Variants in B4GALT6 observed in about 807,000 individuals in gnomAD.
The protein encoded by B4GALT6 is UDP-Gal:beta-GlcNAc beta-1,4-galactosyltransferase 6.
B4GALT6 carries 14 observed loss-of-function variants against 46.3 expected under a neutral mutation model. The observed-to-expected ratio is 0.30, with a 90% CI of 0.20 to 0.47. B4GALT6 has a LOEUF of 0.47. Ranked by LOEUF, B4GALT6 falls within the 20% of genes least tolerant of loss-of-function variation. The probability of loss-of-function intolerance (pLI) is 0.99; values close to 1 mark genes in which losing one functional copy is unlikely to be tolerated. For missense variants in B4GALT6, 386 were observed against 480.1 expected (o/e 0.80, Z 1.83); for synonymous variants, 168 against 162.0 (o/e 1.04, Z -0.28).
intron 4 of B4GALT6, among the ~76,000 whole-genome samples, chr18:31,641,646 C>T (rs1376528741): frequency 1.3e-5 from 2 of 152,158 alleles, no homozygotes; most frequent in Non-Finnish European, 1.5e-5. Flanking sequence ...CTTGCTGATA[C>T]ACCTCCAGTG....
At chr18:31,667,417 C>G (rs2074295107) in intron 1 of B4GALT6, among the ~76,000 whole-genome samples, 1 of 152,118 alleles carries the variant, frequency 6.6e-6, no homozygotes, top group Admixed American at 6.5e-5. Flanking sequence ...TGACACTCTC[C>G]AAAGATGAAT....
chr18:31,664,635 C>T (rs1266686030), intron 2 of B4GALT6, among the ~76,000 whole-genome samples: 1 of 151,476 alleles, frequency 6.6e-6, no homozygotes, highest in Non-Finnish European at 1.5e-5. Flanking sequence ...CTTATTCATA[C>T]CCCAGGGAAA....
At chr18:31,698,421 G>A in the B4GALT6 span, among the ~76,000 whole-genome samples, 6 of 152,176 alleles carry the variant, frequency 3.9e-5, no homozygotes, top group East Asian at 1.9e-4. Context: ...CTTGAGGTCA[G>A]GAGTTCAAGA....
At chr18:31,667,292 A>G (rs2074293884) in intron 1 of B4GALT6, among the ~76,000 whole-genome samples, 1 of 152,208 alleles carries the variant, frequency 6.6e-6, no homozygotes, top group Non-Finnish European at 1.5e-5. Context: ...AAGCTAAAAA[A>G]TCATAAACTC....
chr18:31,717,954 C>CA, the B4GALT6 span, among the ~76,000 whole-genome samples: 2,326 of 126,276 alleles, frequency 0.018, 97 homozygotes, highest in African/African-American at 0.06. Flanking sequence ...AACTCCGTCT[C>CA]AAAAAAAAAA....
chr18:31,658,896 G>A (rs1180210726), intron 2 of B4GALT6, among the ~76,000 whole-genome samples: 2 of 152,212 alleles, frequency 1.3e-5, no homozygotes, highest in African/African-American at 4.8e-5. Context: ...AGCGATTAGA[G>A]ATGAGCACCT....
intron 4 of B4GALT6, among the ~76,000 whole-genome samples, chr18:31,639,079 G>A (rs2144551749): frequency 6.6e-6 from 1 of 152,314 alleles, no homozygotes; most frequent in South Asian, 2.1e-4. Context: ...AATATGGAGG[G>A]CAGACTGGAG....
intron 1 of B4GALT6, among the ~76,000 whole-genome samples, chr18:31,680,412 ACT>A (rs780324426): frequency 7.0e-4 from 106 of 152,212 alleles, no homozygotes; most frequent in Non-Finnish European, 1.3e-3. Context: ...TAGACCCCAC[ACT>A]TTGACTACCC....
chr18:31,670,618 GAAGA>G (rs1362667786), intron 1 of B4GALT6, among the ~76,000 whole-genome samples: 1 of 152,152 alleles, frequency 6.6e-6, no homozygotes, highest in Non-Finnish European at 1.5e-5. Flanking sequence ...CTGTTAACCG[GAAGA>G]AAGTGCTATG....
chr18:31,651,239 G>A (rs1170265015), intron 3 of B4GALT6, among the ~76,000 whole-genome samples: 1 of 152,068 alleles, frequency 6.6e-6, no homozygotes, highest in Non-Finnish European at 1.5e-5. Context: ...AATTATCCAT[G>A]CTCCAATTCT....
At position 31,649,813 on chromosome 18, in the gene B4GALT6, T is replaced by C. The variant is rs552741396; in HGVS notation, c.347-4334A>G. Among the ~76,000 whole-genome samples the C allele has an allele frequency of 5.9e-5, 9 of 152,322 alleles. No individual in the cohort carries two copies. In the East Asian group the frequency reaches 1.7e-3, roughly 29 times the overall value. ...GATGCTTATACACTGTTGGTGAGAA[T>C]GTAAGTTAGTTCAGCCACTGTGGAA... On this transcript the variant is annotated intron_variant, in intron 3 of 8. Coordinates refer to ENST00000306851, the MANE Select transcript of B4GALT6 (RefSeq NM_004775.5).
At chr18:31,684,951 G>A (rs1270047428), upstream of B4GALT6, among the ~76,000 whole-genome samples, 2 of 148,370 alleles carry the variant, frequency 1.3e-5, no homozygotes, top group Admixed American at 6.7e-5. Context: ...CTCCTACTCC[G>A]GGCCGCGGCG....
rs1353431486 is a variant in B4GALT6 at position 31,645,366 on chromosome 18, G to GT, written c.459dup (p.Pro154ThrfsTer13). ...AGAATTTACCTCACCTTCCATCTGG[G>GT]TTTACAGTCTTTTGGCCTCCAATGA... On this transcript the variant is annotated frameshift_variant, in exon 4 of 9. Coordinates refer to ENST00000306851, the MANE Select transcript of B4GALT6 (RefSeq NM_004775.5). LOFTEE classifies it high-confidence loss of function. The GT allele has an allele frequency of 6.2e-7, 1 of 1,613,364 alleles. No individual in the cohort carries two copies.
At chr18:31,705,081 G>A in the B4GALT6 span, among the ~76,000 whole-genome samples, 1 of 152,114 alleles carries the variant, frequency 6.6e-6, no homozygotes, top group Non-Finnish European at 1.5e-5. Flanking sequence ...GACAGATACA[G>A]TTATTCTGTT....
intron 1 of B4GALT6, among the ~76,000 whole-genome samples, chr18:31,670,920 G>T (rs2074346958): frequency 6.6e-6 from 1 of 151,772 alleles, no homozygotes; most frequent in South Asian, 2.1e-4. Context: ...ACCCCCGAGA[G>T]GCCCCAGTGT....
chr18:31,710,631 C>T, the B4GALT6 span, among the ~76,000 whole-genome samples: 1 of 152,078 alleles, frequency 6.6e-6, no homozygotes, highest in African/African-American at 2.4e-5. Context: ...CAGAGGAAAC[C>T]AACCTGCAGA....
chr18:31,658,671 A>G (rs2074173855), intron 2 of B4GALT6, among the ~76,000 whole-genome samples: 1 of 152,220 alleles, frequency 6.6e-6, no homozygotes, highest in Non-Finnish European at 1.5e-5. Context: ...CTTTAGAGTC[A>G]GCAAATTAAA....
chr18:31,631,001 A>AT lies in B4GALT6; in HGVS notation c.733dup (p.Met245AsnfsTer11). On this transcript the variant is annotated frameshift_variant, in exon 6 of 9. Coordinates refer to ENST00000306851, the MANE Select transcript of B4GALT6 (RefSeq NM_004775.5). LOFTEE classifies it high-confidence loss of function. ...CAGCTTTGCAGCAAAATGACGTGGC[A>AT]TTTCTCCACATCCGTAATAGTTCCG... The AT allele has an allele frequency of 6.2e-7, 1 of 1,614,170 alleles. No individual in the cohort carries two copies. Among genetic ancestry groups the AT allele is most frequent in the Non-Finnish European group, 8.5e-7 (1 of 1,180,030 alleles).
chr18:31,697,781 G>A, the B4GALT6 span, among the ~76,000 whole-genome samples: 1 of 152,172 alleles, frequency 6.6e-6, no homozygotes, highest in African/African-American at 2.4e-5. Flanking sequence ...GTATAGAAAT[G>A]TAGGTTGATG....
Sources: gnomAD v4.1 joint callset for allele counts (sites outside exome capture counted in the v4.1 genomes callset) on GRCh38, gnomAD v4.1.1 for gene constraint, MANE v1.5 for transcripts, NCBI Gene and HGNC (gene_info 2026-07-23, HGNC 2026-07-21) for gene names.